The following ATXN10 variants were observed in gnomAD, a reference collection of about 807,000 sequenced individuals.
The protein encoded by ATXN10 is ataxin-10.
Under a neutral mutation model 52.9 loss-of-function variants are expected in ATXN10, and 28 were observed. The observed-to-expected ratio is 0.53, with a 90% CI of 0.39 to 0.73. ATXN10 has a LOEUF of 0.73. Ranked by LOEUF, ATXN10 falls within the 30% of genes least tolerant of loss-of-function variation. ATXN10 has a pLI of 0.00. For missense variants in ATXN10, 565 were observed against 577.0 expected (o/e 0.98, Z 0.21); for synonymous variants, 226 against 221.5 (o/e 1.02, Z -0.18).
At position 45,787,756 on chromosome 22, in the gene ATXN10, A is replaced by C. The variant is rs1321880420; in HGVS notation, c.1174-19203A>C. Among the ~76,000 whole-genome samples, 1 of 152,210 alleles carries C rather than the reference A, an allele frequency of 6.6e-6. No homozygotes were observed. Among genetic ancestry groups the C allele is most frequent in the African/African-American group, 2.4e-5 (1 of 41,452 alleles). On this transcript the variant is annotated intron_variant, in intron 9 of 11. Transcript: ENST00000252934. The surrounding 1 kb of genome is among the most constrained non-coding windows in gnomAD (Gnocchi z 4.2). ...GACATTTGCATATTTCACAGCCCGC[A>C]GTTTGGAAATACATTTCTGAAAGAA...
intron 9 of ATXN10, chr22:45,793,618 G>T: frequency 7.5e-7 from 1 of 1,332,370 alleles, no homozygotes; most frequent in Non-Finnish European, 9.7e-7. Flanking sequence ...TATTGCTTCA[G>T]AAGTCACAGT....
rs760590974 is a variant in ATXN10 at position 45,806,981 on chromosome 22, C to T, written c.1196C>T (p.Pro399Leu). The T allele has an allele frequency of 1.1e-5, 18 of 1,613,726 alleles. No homozygotes were observed. Among genetic ancestry groups the T allele is most frequent in the South Asian group, 2.2e-5 (2 of 91,076 alleles). ...QDKVNELDGI[P>L]LILDNCNISD... ...TAGGTAAATGAGCTGGATGGTATCC[C>T]GTTGATCCTGGACAACTGCAACATC... is the stretch of plus-strand genomic sequence containing the variant. The change falls in exon 10 of 12, where the codon CCG becomes CTG. Residue 399 changes from proline to leucine, a missense_variant. By Grantham distance (98) the Pro-to-Leu change is moderately conservative. Coordinates refer to ENST00000252934, the MANE Select transcript of ATXN10 (RefSeq NM_013236.4).
chr22:45,763,761 C>T lies in ATXN10; in HGVS notation c.1173+23223C>T, dbSNP rs758393432. Among the ~76,000 whole-genome samples the T allele has an allele frequency of 1.5e-4, 23 of 152,188 alleles. No individual in the cohort carries two copies. Among genetic ancestry groups the T allele is most frequent in the African/African-American group, 3.9e-4 (16 of 41,456 alleles). ...TCTTCGCAACCCTAGAATGTAAGTA[C>T]AAGGAGGATAGGCAGGGACCATTTG... On this transcript the variant is annotated intron_variant, in intron 9 of 11. Transcript: ENST00000252934. The surrounding 1 kb of genome is among the most constrained non-coding windows in gnomAD (Gnocchi z 6.9).
Position 45,679,000 on chromosome 22 carries a change from T to G in ATXN10, c.116+6821T>G, listed in dbSNP as rs1282285762. ...TAAATATAAATGTCTTAAGCCTTCA[T>G]TCCTTTGCTTATACACACTCTTCAT... On this transcript the variant is annotated intron_variant, in intron 1 of 11. Transcript: ENST00000252934. The surrounding 1 kb of genome is among the most constrained non-coding windows in gnomAD (Gnocchi z 4.1). 1 of 152,246 alleles carries G rather than the reference T, an allele frequency of 6.6e-6. No homozygotes were observed. Among genetic ancestry groups the G allele is most frequent in the Admixed American group, 6.5e-5 (1 of 15,290 alleles). The allele number at this position is 152,246 out of a possible 1,614,324, so 9.4% of individuals were successfully genotyped here.
chr22:45,809,794 C>T (rs968936416), intron 10 of ATXN10, among the ~76,000 whole-genome samples: 1 of 152,198 alleles, frequency 6.6e-6, no homozygotes, highest in Non-Finnish European at 1.5e-5. Context: ...TTTGTTAACA[C>T]ATCTTTATAT....
intron 3 of ATXN10, among the ~76,000 whole-genome samples, chr22:45,694,940 CAAAAAAAAAAAAAA>C (rs748780048): frequency 1.4e-4 from 3 of 21,924 alleles, no homozygotes; most frequent in African/African-American, 2.9e-4. Context: ...GACTCTGTCT[CAAAAAAAAAAAAAA>C]AAAAAAAAAA....
chr22:45,747,220 G>T lies in ATXN10; in HGVS notation c.1173+6682G>T, dbSNP rs181397149. Among the ~76,000 whole-genome samples the T allele has an allele frequency of 1.5e-3, 234 of 152,258 alleles. 3 individuals are homozygous for T. In the South Asian group the frequency reaches 0.023, roughly 15 times the overall value. On this transcript the variant is annotated intron_variant, in intron 9 of 11. Coordinates refer to ENST00000252934, the MANE Select transcript of ATXN10 (RefSeq NM_013236.4). ...GGCAGGGTATTGAAAATGTCTGGGG[G>T]GCCGGGTGCAGTGGCTCAAGCTTGT...
chr22:45,706,086 TC>T (rs1456849123), intron 5 of ATXN10, among the ~76,000 whole-genome samples: 1 of 152,198 alleles, frequency 6.6e-6, no homozygotes, highest in Non-Finnish European at 1.5e-5. Flanking sequence ...AACAGTTTCT[TC>T]CTGAAACCGT....
intron 5 of ATXN10, among the ~76,000 whole-genome samples, chr22:45,707,026 C>T (rs960961014): frequency 2.0e-4 from 30 of 151,312 alleles, no homozygotes; most frequent in African/African-American, 7.4e-4. Context: ...TTTTCATGCT[C>T]TGTTAAGTAC....
chr22:45,738,621 C>A, intron 7 of ATXN10, 110 bp from the exon 8 acceptor site: 1 of 962,272 alleles, frequency 1.0e-6, no homozygotes, highest in Non-Finnish European at 1.6e-6. Context: ...TTATTACAAG[C>A]ACAGACTCTT....
intron 9 of ATXN10, among the ~76,000 whole-genome samples, chr22:45,758,741 A>G (rs1926268870): frequency 6.6e-6 from 1 of 152,370 alleles, no homozygotes; most frequent in East Asian, 1.9e-4. Context: ...TGGACTTGAT[A>G]GAGCAGTATG....
chr22:45,675,396 AC>A (rs1922642970), intron 1 of ATXN10: 1 of 152,274 alleles, frequency 6.6e-6, no homozygotes, highest in African/African-American at 2.4e-5. Flanking sequence ...TGTGGGCTGA[AC>A]TTAGTGACTT....
At chr22:45,792,674 G>A (rs1420124621) in intron 9 of ATXN10, 1 of 276,610 alleles carries the variant, frequency 3.6e-6, no homozygotes. Flanking sequence ...GAAAGTCTTG[G>A]TAGGGTTTCA....
In ATXN10 at chr22:45,763,503, G is replaced by A. The variant is rs1926472386; in HGVS notation, c.1173+22965G>A. On this transcript the variant is annotated intron_variant, in intron 9 of 11. Coordinates refer to ENST00000252934, the MANE Select transcript of ATXN10 (RefSeq NM_013236.4). This position sits in a 1 kb window ranked among gnomAD's most constrained non-coding sequence, Gnocchi z 6.9. ...CCAGCCCCAGGTCTGCAGAGTGTGTGGCTGCTGCACCCTCAGGTGTTTGCT... is the reference window on the plus strand; with the variant it reads ...CCAGCCCCAGGTCTGCAGAGTGTGTAGCTGCTGCACCCTCAGGTGTTTGCT... Among the ~76,000 whole-genome samples, 2 of 152,128 alleles carry A rather than the reference G, an allele frequency of 1.3e-5. No individual in the cohort carries two copies. The highest frequency in any genetic ancestry group is 4.8e-5 in the African/African-American group (2 of 41,418).
At position 45,684,398 on chromosome 22, in the gene ATXN10, G is replaced by A. The variant is rs1261535225; in HGVS notation, c.117-5314G>A. Among the ~76,000 whole-genome samples, 4 of 152,210 alleles carry A rather than the reference G, an allele frequency of 2.6e-5. No homozygotes were observed. Among genetic ancestry groups the A allele is most frequent in the South Asian group, 2.1e-4 (1 of 4,818 alleles). ...ATGTTTGGAGCCCTTTAAAGCAGGG[G>A]TTGCCAGACCATGGCCAGATCTGGC... On this transcript the variant is annotated intron_variant, in intron 1 of 11. Transcript: ENST00000252934. This position sits in a 1 kb window ranked among gnomAD's most constrained non-coding sequence, Gnocchi z 4.1.
intron 1 of ATXN10, chr22:45,679,008 CT>C (rs1922810053): frequency 1.3e-5 from 2 of 152,150 alleles, no homozygotes. Context: ...CATTCCTTTG[CT>C]TATACACACT....
chr22:45,711,934 A>G (rs1415727337), intron 5 of ATXN10, among the ~76,000 whole-genome samples: 1 of 152,198 alleles, frequency 6.6e-6, no homozygotes, highest in African/African-American at 2.4e-5. Flanking sequence ...TATGGAATGC[A>G]TCTTGTGATT....
Position 45,712,752 on chromosome 22 carries a change from CTG to C in ATXN10, c.648-5659_648-5658del, listed in dbSNP as rs1471435499. ...GAAGCATCGCCATTGAATCAGTGGA[CTG>C]TTATTTTTCTAGTTTAATGCTACTC... On this transcript the variant is annotated intron_variant, in intron 5 of 11. Coordinates refer to ENST00000252934, the MANE Select transcript of ATXN10 (RefSeq NM_013236.4). This position sits in a 1 kb window ranked among gnomAD's most constrained non-coding sequence, Gnocchi z 4.6. Among the ~76,000 whole-genome samples the C allele has an allele frequency of 6.6e-6, 1 of 151,970 alleles. No homozygotes were observed. The highest frequency in any genetic ancestry group is 1.5e-5 in the Non-Finnish European group (1 of 67,980).
chr22:45,671,885 C>T lies in ATXN10; in HGVS notation c.-179C>T. On this transcript the variant is annotated 5_prime_UTR_variant, in exon 1 of 12. Transcript: ENST00000252934. ...AGTCTGGGCTCAGCCTAGAGCTCTC[C>T]GGCGGCGGCGCAGCTTCAGGGCAGC... The T allele has an allele frequency of 3.1e-6, 2 of 645,140 alleles. No individual in the cohort carries two copies. Among genetic ancestry groups the T allele is most frequent in the Non-Finnish European group, 5.0e-6 (2 of 397,316 alleles). The allele number at this position is 645,140 out of a possible 1,614,324, so 40.0% of individuals were successfully genotyped here.
Sources: allele counts gnomAD v4.1 joint callset (sites outside exome capture counted in the v4.1 genomes callset), GRCh38; gene constraint gnomAD v4.1.1; non-coding constraint Gnocchi (gnomAD v3.1); transcripts MANE v1.5; gene names NCBI Gene and HGNC (gene_info 2026-07-23, HGNC 2026-07-21).